CANX: variants seen among roughly 807,000 people sequenced by gnomAD.
CANX encodes epididymis secretory sperm binding protein.
A neutral mutation model predicts 75.7 loss-of-function variants in CANX; 14 were observed. That is an observed-to-expected ratio of 0.19 (90% CI 0.12 to 0.29). The LOEUF (loss-of-function observed/expected upper bound fraction) is 0.29, where lower values mean the gene tolerates loss of function less well. Among genes scored for constraint, CANX ranks in the 10% least tolerant of loss-of-function variants. CANX has a pLI of 1.00. For synonymous variants in CANX, 227 were observed against 236.9 expected (o/e 0.96, Z 0.38); for missense variants, 567 against 713.2 (o/e 0.79, Z 2.34).
At chr5:179,721,751 C>T (rs925534101) in intron 10 of CANX, among the ~76,000 whole-genome samples, 1 of 152,110 alleles carries the variant, frequency 6.6e-6, no homozygotes, top group African/African-American at 2.4e-5. Context: ...TTTATAATCT[C>T]TACAAAGAGT....
rs780015184 is a variant in CANX, at chr5:179,705,774, T to C, written c.93T>C (p.Ile31=). 9 of 1,611,228 alleles carry C rather than the reference T, an allele frequency of 5.6e-6. No homozygotes were observed. The highest frequency in any genetic ancestry group is 1.1e-5 in the South Asian group (1 of 91,030). Residue 31 remains isoleucine (I), a synonymous_variant, in exon 2 of 15, where the codon ATT becomes ATC. Transcript: ENST00000247461. Reference sequence around the variant, plus strand: ...GACATGATGATGATGTGATTGATATTGAGGATGACCTTGACGATGTCATTG... The same window carrying C: ...GACATGATGATGATGTGATTGATATCGAGGATGACCTTGACGATGTCATTG... ...HDGHDDDVID[I]EDDLDDVIEE... is the part of the protein sequence containing the mutation.
At chr5:179,715,944 G>T (rs1355305348) in intron 7 of CANX, 161 bp from the exon 8 acceptor site, 1 of 701,024 alleles carries the variant, frequency 1.4e-6, no homozygotes, top group Non-Finnish European at 2.6e-6. Flanking sequence ...AAGGAAATGG[G>T]CGTTAGCTTC....
chr5:179,710,436 G>A (rs1777464893), intron 7 of CANX, among the ~76,000 whole-genome samples: 2 of 142,658 alleles, frequency 1.4e-5, no homozygotes, highest in Admixed American at 1.4e-4. Context: ...GGCTGGGCGC[G>A]GTGGCTCACA....
chr5:179,708,373 A>G lies in CANX; in HGVS notation c.439A>G (p.Ile147Val). 1 of 1,613,068 alleles carries G rather than the reference A, an allele frequency of 6.2e-7. No homozygotes were observed. The highest frequency in any genetic ancestry group is 1.1e-5 in the South Asian group (1 of 91,016). Residue 147 changes from isoleucine to valine, a missense_variant, in exon 5 of 15, where the codon ATT becomes GTT. Ile to Val is a conservative substitution (Grantham distance 29, BLOSUM62 3). Around this residue, in one of 3 missense-constraint regions of CANX, gnomAD observed 351 missense variants for 433.8 expected, o/e 0.81. Coordinates refer to ENST00000247461, the MANE Select transcript of CANX (RefSeq NM_001746.4). ...KPFLFDTKPL[I>V]VQYEVNFQNG... is the part of the protein sequence containing the mutation. Reference sequence around the variant, plus strand: ...CTTCCTGTTTGACACCAAGCCTCTCATTGTTCAGTAAGTGAAATGCTTGTT... The same window carrying G: ...CTTCCTGTTTGACACCAAGCCTCTCGTTGTTCAGTAAGTGAAATGCTTGTT...
intron 7 of CANX, among the ~76,000 whole-genome samples, chr5:179,711,182 G>A (rs530963171): frequency 4.6e-5 from 7 of 152,238 alleles, no homozygotes; most frequent in African/African-American, 1.2e-4. Flanking sequence ...CTAACACTTC[G>A]GGAGGCTGAA....
chr5:179,723,816 C>T, intron 12 of CANX, 37 bp downstream of exon 12: 1 of 1,550,984 alleles, frequency 6.4e-7, no homozygotes, highest in Non-Finnish European at 8.8e-7. Flanking sequence ...ATTTTAGAGA[C>T]ATCACTCTAG....
At position 179,729,038 on chromosome 5, in the gene CANX, A is replaced by G; in HGVS notation, c.*394A>G. On this transcript the variant is annotated 3_prime_UTR_variant, in exon 15 of 15. Transcript: ENST00000247461. ...ACCACCATTTAAAAATGTTAGGGAG[A>G]TGAGTTGCAGTTTTTATAATAGATT... 1 of 233,270 alleles carries G rather than the reference A, an allele frequency of 4.3e-6. No homozygotes were observed. Among genetic ancestry groups the G allele is most frequent in the Non-Finnish European group, 8.7e-6 (1 of 115,464 alleles). The allele number at this position is 233,270 out of a possible 1,614,324, so 14.5% of individuals were successfully genotyped here. A position where few individuals can be genotyped will look rare whatever the true frequency, so the allele number is the denominator to read the frequency against.
intron 1 of CANX, among the ~76,000 whole-genome samples, chr5:179,691,585 C>G (rs1347924208): frequency 2.0e-5 from 3 of 151,940 alleles, no homozygotes; most frequent in Non-Finnish European, 4.4e-5. Context: ...ATTGCCTGAT[C>G]ATGAAAGGGA....
chr5:179,681,808 C>T (rs1288779715), intron 1 of CANX, among the ~76,000 whole-genome samples: 5 of 152,044 alleles, frequency 3.3e-5, no homozygotes, highest in East Asian at 3.9e-4. Flanking sequence ...ATTAGCTGGG[C>T]GTGGTGGCAT....
At chr5:179,710,951 G>T (rs1024896655) in intron 7 of CANX, among the ~76,000 whole-genome samples, 4 of 151,948 alleles carry the variant, frequency 2.6e-5, no homozygotes, top group Admixed American at 2.6e-4. Flanking sequence ...AGCTACTCGG[G>T]AGGCTGAGGC....
At chr5:179,686,620 A>G (rs768334738) in intron 1 of CANX, among the ~76,000 whole-genome samples, 3 of 151,226 alleles carry the variant, frequency 2.0e-5, no homozygotes, top group African/African-American at 7.3e-5. Flanking sequence ...GCACCACTAC[A>G]CCCTGCTAAC....
rs936211802 is a variant in CANX at position 179,698,977 on chromosome 5, G to T, written c.-129G>T. On this transcript the variant is annotated 5_prime_UTR_variant, in exon 1 of 15. Coordinates refer to ENST00000247461, the MANE Select transcript of CANX (RefSeq NM_001746.4). The stretch of plus-strand genomic sequence containing the variant: ...GCTCGCTCGCGCGGCAGCGGTGGCC[G>T]AGGCCTCTTGGTTCTGCGGCACGTG... The T allele has an allele frequency of 1.8e-6, 2 of 1,126,046 alleles. No individual in the cohort carries two copies. The highest frequency in any genetic ancestry group is 2.2e-6 in the Non-Finnish European group (2 of 912,484). 69.8% of individuals were successfully genotyped at this position (1,126,046 alleles called of 1,614,324 possible).
chr5:179,713,726 C>T (rs1160960528), intron 7 of CANX, among the ~76,000 whole-genome samples: 9 of 150,514 alleles, frequency 6.0e-5, no homozygotes, highest in Admixed American at 1.3e-4. Context: ...TAGACCAGCC[C>T]GGGCAGCATA....
At chr5:179,704,341 C>G (rs1168561914) in intron 1 of CANX, 1 of 151,906 alleles carries the variant, frequency 6.6e-6, no homozygotes, top group Middle Eastern at 3.2e-3. Flanking sequence ...TCCTGGCCAA[C>G]ACGGTGAAAC....
chr5:179,708,473 AT>A, intron 5 of CANX, 93 bp downstream of exon 5: 1 of 1,182,428 alleles, frequency 8.5e-7, no homozygotes, highest in Non-Finnish European at 1.2e-6. Flanking sequence ...AAATTATGAG[AT>A]TATATAAGTG....
At chr5:179,683,641 C>G (rs1181595057) in intron 1 of CANX, among the ~76,000 whole-genome samples, 1 of 151,956 alleles carries the variant, frequency 6.6e-6, no homozygotes, top group African/African-American at 2.4e-5. Context: ...TCAAGTGATT[C>G]TCCTGTCTCA....
chr5:179,700,438 A>G (rs955941308), intron 1 of CANX: 39 of 152,332 alleles, frequency 2.6e-4, no homozygotes, highest in African/African-American at 9.4e-4. Flanking sequence ...CATATGGATC[A>G]ACTGTTGTAC....
Position 179,708,359 on chromosome 5 carries a change from A to G in CANX, c.425A>G (p.Asp142Gly), listed in dbSNP as rs1777303413. The change falls in exon 5 of 15, where the codon GAC becomes GGC. Residue 142 changes from aspartate to glycine, a missense_variant. Physicochemically the swap from Asp to Gly is moderately conservative, Grantham distance 94. Around this residue, in one of 3 missense-constraint regions of CANX, gnomAD observed 351 missense variants for 433.8 expected, o/e 0.81. Transcript: ENST00000247461. The stretch of plus-strand genomic sequence containing the variant: ...AAACTGAACAAGCCCTTCCTGTTTG[A>G]CACCAAGCCTCTCATTGTTCAGTAA... The part of the protein sequence containing the change: ...SAKLNKPFLF[D>G]TKPLIVQYEV... The G allele has an allele frequency of 1.9e-6, 3 of 1,613,468 alleles. No homozygotes were observed. The South Asian group carries it at 3.3e-5, about 18-fold the overall frequency.
rs1193970394 is a variant in CANX at position 179,730,015 on chromosome 5, T to C, written c.*1371T>C. 1 of 152,620 alleles carries C rather than the reference T, an allele frequency of 6.6e-6. No homozygotes were observed. Among genetic ancestry groups the C allele is most frequent in the Non-Finnish European group, 1.5e-5 (1 of 68,036 alleles). The allele number at this position is 152,620 out of a possible 1,614,324, so 9.5% of individuals were successfully genotyped here. ...TTGTAGAATTTTTAAAAAAGTGATCTTAGGTTTGTTTTTTCATGCGGGATG... is the reference window on the plus strand; with the variant it reads ...TTGTAGAATTTTTAAAAAAGTGATCCTAGGTTTGTTTTTTCATGCGGGATG... On this transcript the variant is annotated 3_prime_UTR_variant, in exon 15 of 15. Transcript: ENST00000247461.
Sources: allele counts gnomAD v4.1 joint callset (sites outside exome capture counted in the v4.1 genomes callset), GRCh38; gene constraint gnomAD v4.1.1; regional missense constraint gnomAD v4.1.1; transcripts MANE v1.5; gene names NCBI Gene and HGNC (gene_info 2026-07-23, HGNC 2026-07-21).